Variants in PARVA observed in about 807,000 individuals in gnomAD.
PARVA encodes parvin alpha, also known as alpha-parvin.
Under a neutral mutation model 52.6 loss-of-function variants are expected in PARVA, and 25 were observed. The observed-to-expected ratio is 0.48, with a 90% CI of 0.35 to 0.66. PARVA has a LOEUF of 0.66. Among genes scored for constraint, PARVA ranks in the 30% least tolerant of loss-of-function variants. PARVA has a pLI of 0.01. For synonymous variants in PARVA, 185 were observed against 179.1 expected (o/e 1.03, Z -0.26); for missense variants, 373 against 450.9 (o/e 0.83, Z 1.56).
intron 8 of PARVA, 82 bp downstream of exon 8, chr11:12,511,615 C>A: frequency 1.4e-6 from 2 of 1,447,600 alleles, no homozygotes; most frequent in Non-Finnish European, 1.9e-6. Flanking sequence ...GAGGAACAGG[C>A]TCTCAGCTTG....
chr11:12,513,452 A>G (rs759765843), intron 9 of PARVA, 92 bp downstream of exon 9: 1 of 1,135,334 alleles, frequency 8.8e-7, no homozygotes, highest in Non-Finnish European at 1.3e-6. Flanking sequence ...GCTTCCTGCC[A>G]GAACTGGTGG....
At chr11:12,489,954 C>G (rs542371122) in intron 4 of PARVA, among the ~76,000 whole-genome samples, 1 of 151,976 alleles carries the variant, frequency 6.6e-6, no homozygotes, top group Admixed American at 6.5e-5. Context: ...CAGTGGCTCA[C>G]GCCTATAATC....
At chr11:12,403,533 T>C (rs1287148272) in intron 1 of PARVA, among the ~76,000 whole-genome samples, 3 of 152,278 alleles carry the variant, frequency 2.0e-5, no homozygotes, top group Admixed American at 1.3e-4. Flanking sequence ...ACTTGAGGTA[T>C]GTGCTCAATG....
At chr11:12,441,607 G>A (rs911946803) in intron 1 of PARVA, among the ~76,000 whole-genome samples, 1 of 152,030 alleles carries the variant, frequency 6.6e-6, no homozygotes, top group African/African-American at 2.4e-5. Flanking sequence ...CCACATAGAC[G>A]GGAATAAAGT....
In PARVA at chr11:12,533,032, AGAG is replaced by A. The variant is rs1229627159; in HGVS notation, c.*5111_*5113del. ...TGGCTGGGGAGCGGAGGAGACCAGG[AGAG>A]GAGATCAGACCTCTGCCCACCCCAA... On this transcript the variant is annotated 3_prime_UTR_variant, in exon 13 of 13. Coordinates refer to ENST00000334956, the MANE Select transcript of PARVA (RefSeq NM_018222.5). 1.3e-5 allele frequency among the ~76,000 whole-genome samples: 2 copies of A among 152,176 alleles called. No homozygotes were observed. The highest frequency in any genetic ancestry group is 6.5e-5 in the Admixed American group (1 of 15,282).
At position 12,534,362 on chromosome 11, in the gene PARVA, T is replaced by C. The variant is rs1941810648; in HGVS notation, c.*6437T>C. On this transcript the variant is annotated 3_prime_UTR_variant, in exon 13 of 13. Transcript: ENST00000334956. ...GTGGGTGACTGGCCCAGAATGATGC[T>C]TCTCCTCGGTGGACCCCCTGGGCTG... Among the ~76,000 whole-genome samples the C allele has an allele frequency of 2.0e-5, 3 of 152,132 alleles. No individual in the cohort carries two copies. Among genetic ancestry groups the C allele is most frequent in the Admixed American group, 6.5e-5 (1 of 15,270 alleles).
chr11:12,440,868 TA>T (rs1940457261), intron 1 of PARVA, among the ~76,000 whole-genome samples: 1 of 152,226 alleles, frequency 6.6e-6, no homozygotes, highest in South Asian at 2.1e-4. Flanking sequence ...TACCTGCTTT[TA>T]AAGGGTAAGA....
chr11:12,429,418 G>C (rs571816558), intron 1 of PARVA, among the ~76,000 whole-genome samples: 9 of 152,186 alleles, frequency 5.9e-5, no homozygotes, highest in Non-Finnish European at 1.2e-4. Context: ...CCAGTAAAAA[G>C]TGTGTGTACA....
chr11:12,426,912 G>A (rs1249082101), intron 1 of PARVA, among the ~76,000 whole-genome samples: 1 of 152,154 alleles, frequency 6.6e-6, no homozygotes, highest in East Asian at 1.9e-4. Flanking sequence ...GGATATTCTG[G>A]GGGCAGAATG....
chr11:12,527,612 C>T (rs1237251087), intron 12 of PARVA, among the ~76,000 whole-genome samples: 1 of 152,070 alleles, frequency 6.6e-6, no homozygotes, highest in Non-Finnish European at 1.5e-5. Flanking sequence ...GCAAAGAGCC[C>T]CTGGGACAGG....
At chr11:12,511,007 C>T (rs2135075364) in intron 7 of PARVA, among the ~76,000 whole-genome samples, 1 of 152,234 alleles carries the variant, frequency 6.6e-6, no homozygotes, top group Admixed American at 6.5e-5. Context: ...TTTGAGAAAA[C>T]CTACCCTGGG....
intron 12 of PARVA, among the ~76,000 whole-genome samples, chr11:12,521,573 C>T (rs1038212720): frequency 1.3e-5 from 2 of 152,226 alleles, no homozygotes; most frequent in Non-Finnish European, 2.9e-5. Context: ...TGGCCAAAAA[C>T]GTCCAGGTCC....
chr11:12,476,437 G>C (rs1941015493), intron 3 of PARVA, among the ~76,000 whole-genome samples: 1 of 151,904 alleles, frequency 6.6e-6, no homozygotes, highest in Non-Finnish European at 1.5e-5. Context: ...CACTATGATT[G>C]CACCTGTGAA....
intron 7 of PARVA, among the ~76,000 whole-genome samples, chr11:12,510,714 C>G (rs572287924): frequency 6.6e-6 from 1 of 152,246 alleles, no homozygotes; most frequent in East Asian, 1.9e-4. Context: ...TCCTGATAAA[C>G]CCATGGGATC....
At chr11:12,395,265 G>A (rs1255917928) in intron 1 of PARVA, among the ~76,000 whole-genome samples, 1 of 152,102 alleles carries the variant, frequency 6.6e-6, no homozygotes, top group Admixed American at 6.6e-5. Flanking sequence ...TAAAAAAAAA[G>A]ACTTTAATGA....
At chr11:12,382,681 G>A (rs1939510250) in intron 1 of PARVA, among the ~76,000 whole-genome samples, 1 of 152,158 alleles carries the variant, frequency 6.6e-6, no homozygotes, top group Non-Finnish European at 1.5e-5. Context: ...GAGTCCAAGA[G>A]AGAACAAGGG....
intron 1 of PARVA, among the ~76,000 whole-genome samples, chr11:12,446,449 G>A (rs75796583): frequency 0.029 from 4,479 of 152,116 alleles, 212 homozygotes; most frequent in African/African-American, 0.1. Flanking sequence ...ATGCAAAAAA[G>A]ATCACCAAAT....
rs999875145 is a variant in PARVA at position 12,496,377 on chromosome 11, C to T, written c.401-81C>T. ...ATGCATGCATGAGTGCATGAGAGACCGAATAACTGAGTAAGTGCATGCAGT... is the reference window on the plus strand; with the variant it reads ...ATGCATGCATGAGTGCATGAGAGACTGAATAACTGAGTAAGTGCATGCAGT... On this transcript the variant is annotated intron_variant, in intron 4 of 12. Transcript: ENST00000334956. The T allele has an allele frequency of 1.9e-5, 20 of 1,052,704 alleles. 1 individual carries two copies. The highest frequency in any genetic ancestry group is 1.2e-4 in the East Asian group (3 of 24,164). 65.2% of individuals were successfully genotyped at this position (1,052,704 alleles called of 1,614,324 possible). A position where few individuals can be genotyped will look rare whatever the true frequency, so the allele number is the denominator to read the frequency against.
chr11:12,518,455 T>C lies in PARVA; in HGVS notation c.980T>C (p.Val327Ala), dbSNP rs1941598015. 1.2e-6 allele frequency: 2 copies of C among 1,613,542 alleles called. No individual in the cohort carries two copies. Among genetic ancestry groups the C allele is most frequent in the Non-Finnish European group, 8.5e-7 (1 of 1,179,648 alleles). Residue 327 changes from valine to alanine, a missense_variant, in exon 12 of 13, where the codon GTC becomes GCC. Coordinates refer to ENST00000334956, the MANE Select transcript of PARVA (RefSeq NM_018222.5). ...PDSFEQKVLNVSFAFELMQDG... is the reference protein window; with the variant it reads ...PDSFEQKVLNASFAFELMQDG... ...CATCTCTCTTGCCAGGTCTTGAATG[T>C]CTCCTTTGCCTTTGAGCTCATGCAA...
Sources: gnomAD v4.1 joint callset for allele counts (sites outside exome capture counted in the v4.1 genomes callset) on GRCh38, gnomAD v4.1.1 for gene constraint, MANE v1.5 for transcripts, NCBI Gene and HGNC (gene_info 2026-07-23, HGNC 2026-07-21) for gene names.